Variants in ROCK2 observed in about 807,000 individuals in gnomAD.
ROCK2 encodes the protein rho-associated protein kinase 2.
ROCK2 carries 61 observed loss-of-function variants against 195.1 expected under a neutral mutation model. That is an observed-to-expected ratio of 0.31 (90% CI 0.25 to 0.39). The LOEUF (loss-of-function observed/expected upper bound fraction) is 0.39. Ranked by LOEUF, ROCK2 falls within the 10% of genes least tolerant of loss-of-function variation. ROCK2 has a pLI of 1.00. For missense variants in ROCK2, 1,109 were observed against 1,637.4 expected, an observed-to-expected ratio of 0.68 and a Z score of 5.57; for synonymous variants, 504 against 545.5, an observed-to-expected ratio of 0.92 and a Z score of 1.06.
chr2:11,238,245 T>TGTGTGTGTGTGTGTGTGTGTC (rs11377542), intron 4 of ROCK2, among the ~76,000 whole-genome samples: 39 of 38,442 alleles, frequency 1.0e-3, no homozygotes, highest in African/African-American at 2.8e-3. Context: ...TGTGTGTCTG[T>TGTGTGTGTGTGTGTGTGTGTC]TGTGTGTGTC....
rs759638796 is a variant in ROCK2 at position 11,218,408 on chromosome 2, G to A, written c.1332+47C>T. The stretch of plus-strand genomic sequence containing the variant: ...GACTATATTTAAACTTTGCGAGAGT[G>A]ATGAGCTTTTCTCAGTTTTTCAATA... On this transcript the variant is annotated intron_variant, in intron 11 of 32. Coordinates refer to ENST00000315872, the MANE Select transcript of ROCK2 (RefSeq NM_004850.5). The A allele has an allele frequency of 8.0e-6, 12 of 1,503,332 alleles. No homozygotes were observed. The East Asian group carries it at 2.3e-4, about 29-fold the overall frequency. The allele number at this position is 1,503,332 out of a possible 1,614,324, so 93.1% of individuals were successfully genotyped here.
At chr2:11,262,327 TTTATTC>T (rs1158375685) in intron 3 of ROCK2, among the ~76,000 whole-genome samples, 5 of 152,182 alleles carry the variant, frequency 3.3e-5, no homozygotes, top group African/African-American at 1.2e-4. Context: ...TTTGGTAATT[TTTATTC>T]TTATTTTTAT....
At position 11,344,477 on chromosome 2, in the gene ROCK2, G is replaced by A; in HGVS notation, c.-341C>T. The A allele has an allele frequency of 1.0e-6, 1 of 999,524 alleles. No homozygotes were observed. Among genetic ancestry groups the A allele is most frequent in the South Asian group, 4.7e-5 (1 of 21,448 alleles). The allele number at this position is 999,524 out of a possible 1,614,324, so 61.9% of individuals were successfully genotyped here. A position where few individuals can be genotyped will look rare whatever the true frequency, so the allele number is the denominator to read the frequency against. ...GGAGCAGGGAAGTGGCGCCGCCACC[G>A]CCGCGGCCCGGACCGCCCCGCCCTC... On this transcript the variant is annotated 5_prime_UTR_variant, in exon 1 of 33. Transcript: ENST00000315872. This position sits in a 1 kb window ranked among gnomAD's most constrained non-coding sequence, Gnocchi z 5.4.
At chr2:11,256,125 A>G (rs1331062860) in intron 3 of ROCK2, among the ~76,000 whole-genome samples, 1 of 151,110 alleles carries the variant, frequency 6.6e-6, no homozygotes, top group Non-Finnish European at 1.5e-5. Context: ...CATAAATTAT[A>G]AAAACTGATT....
At chr2:11,343,517 C>T (rs539927353) in intron 1 of ROCK2, among the ~76,000 whole-genome samples, 74 of 152,288 alleles carry the variant, frequency 4.9e-4, no homozygotes, top group African/African-American at 1.6e-3. Context: ...GCTGTGTGTT[C>T]CAAGATTTCA....
intron 1 of ROCK2, among the ~76,000 whole-genome samples, chr2:11,330,747 GGGA>G (rs1255635234): frequency 1.5e-4 from 9 of 61,806 alleles, no homozygotes; most frequent in South Asian, 6.7e-4. Context: ...GGAGGGAGGA[GGGA>G]GGAGGAGGAG....
Position 11,201,205 on chromosome 2 carries a change from T to C in ROCK2, c.2724-62A>G. 1 of 1,542,024 alleles carries C rather than the reference T, an allele frequency of 6.5e-7. No homozygotes were observed. The highest frequency in any genetic ancestry group is 8.8e-7 in the Non-Finnish European group (1 of 1,134,076). On this transcript the variant is annotated intron_variant, in intron 22 of 32. Transcript: ENST00000315872. The surrounding 1 kb of genome is among the most constrained non-coding windows in gnomAD (Gnocchi z 4.6). ...TTTCACTATGAAGTGAAAGTTTTTG[T>C]CTAATTCACTTCATCAATAATTTTT...
At chr2:11,323,123 T>C (rs1353699423) in intron 1 of ROCK2, among the ~76,000 whole-genome samples, 1 of 152,242 alleles carries the variant, frequency 6.6e-6, no homozygotes, top group Non-Finnish European at 1.5e-5. Context: ...ATATTATTAA[T>C]TACTTTTCTA....
chr2:11,224,945 T>C (rs1664762754), intron 6 of ROCK2, among the ~76,000 whole-genome samples: 1 of 152,182 alleles, frequency 6.6e-6, no homozygotes, highest in African/African-American at 2.4e-5. Flanking sequence ...ATTCCCTAGT[T>C]ATACTAGCCA....
rs369373069 is a variant in ROCK2, at chr2:11,202,129, G to A, written c.2550-8C>T. Reference sequence around the variant, plus strand: ...TCTGCATCCTGACGTTCTCTGTGAGGACAATGAATCAAAGGTTTAAATAAC... The same window carrying A: ...TCTGCATCCTGACGTTCTCTGTGAGAACAATGAATCAAAGGTTTAAATAAC... On this transcript the variant is annotated splice_polypyrimidine_tract_variant and splice_region_variant and intron_variant, in intron 20 of 32. Coordinates refer to ENST00000315872, the MANE Select transcript of ROCK2 (RefSeq NM_004850.5). The A allele has an allele frequency of 1.2e-6, 2 of 1,608,818 alleles. No individual in the cohort carries two copies. The highest frequency in any genetic ancestry group is 2.7e-5 in the African/African-American group (2 of 74,798).
chr2:11,329,331 G>T (rs1022437431), intron 1 of ROCK2, among the ~76,000 whole-genome samples: 1 of 151,858 alleles, frequency 6.6e-6, no homozygotes, highest in Non-Finnish European at 1.5e-5. Context: ...CAGATCTGTT[G>T]TAACTAGAGT....
chr2:11,240,459 G>A (rs1054464932), intron 4 of ROCK2, among the ~76,000 whole-genome samples: 6 of 152,200 alleles, frequency 3.9e-5, no homozygotes, highest in Non-Finnish European at 7.3e-5. Context: ...TATAACAAAC[G>A]TTACAATGTG....
Position 11,344,115 on chromosome 2 carries a change from C to A in ROCK2, c.22G>T (p.Gly8Trp). Reference sequence around the variant, plus strand: ...GTCTCGGGGGCGCCGGGCATTTTCCCCGTCGGCGGGGGCCGGCTCATGCCG... The same window carrying A: ...GTCTCGGGGGCGCCGGGCATTTTCCACGTCGGCGGGGGCCGGCTCATGCCG... MSRPPPT[G>W]KMPGAPETAP... is the part of the protein sequence containing the mutation. Residue 8 changes from glycine to tryptophan, a missense_variant, in exon 1 of 33, where the codon GGG becomes TGG. This residue lies in a region of ROCK2 where 64 missense variants were observed against 62.4 expected (regional missense o/e 1.03). Transcript: ENST00000315872. This position sits in a 1 kb window ranked among gnomAD's most constrained non-coding sequence, Gnocchi z 5.4. 1 of 1,492,426 alleles carries A rather than the reference C, an allele frequency of 6.7e-7. No individual in the cohort carries two copies. 92.4% of individuals were successfully genotyped at this position (1,492,426 alleles called of 1,614,324 possible). A position where few individuals can be genotyped will look rare whatever the true frequency, so the allele number is the denominator to read the frequency against.
intron 5 of ROCK2, among the ~76,000 whole-genome samples, chr2:11,230,254 G>A (rs1664956484): frequency 6.6e-6 from 1 of 151,978 alleles, no homozygotes; most frequent in Admixed American, 6.6e-5. Context: ...GTGAGACAGA[G>A]AAAATATAAG....
chr2:11,232,619 T>C lies in ROCK2; in HGVS notation c.723+3083A>G, dbSNP rs116650697. ...AAACATTGTATAATTATCCTTAGTA[T>C]TGCTTGAGGAATGGAGATCTGGGGT... On this transcript the variant is annotated intron_variant, in intron 5 of 32. Transcript: ENST00000315872. Among the ~76,000 whole-genome samples the C allele has an allele frequency of 3.3e-3, 499 of 152,310 alleles. 2 individuals carry two copies. The highest frequency in any genetic ancestry group is 0.011 in the African/African-American group (445 of 41,578).
intron 32 of ROCK2, chr2:11,184,690 A>C: frequency 5.1e-6 from 5 of 984,350 alleles, no homozygotes; most frequent in Non-Finnish European, 6.0e-6. Flanking sequence ...CAGAAATCAA[A>C]AACATCGTCA....
rs1222515906 is a variant in ROCK2 at position 11,201,379 on chromosome 2, T to G, written c.2654A>C (p.Glu885Ala). 1.2e-6 allele frequency: 2 copies of G among 1,611,430 alleles called. No homozygotes were observed. Among genetic ancestry groups the G allele is most frequent in the Non-Finnish European group, 1.7e-6 (2 of 1,177,976 alleles). Reference sequence around the variant, plus strand: ...AAGTTTGGTCTTTTCTTCACATTCTTCTTTAAGCTCCCTAACTTGTGTTTT... The same window carrying G: ...AAGTTTGGTCTTTTCTTCACATTCTGCTTTAAGCTCCCTAACTTGTGTTTT... Reference protein sequence around the residue: ...LYKTQVRELKEECEEKTKLGK... With the variant: ...LYKTQVRELKAECEEKTKLGK... Residue 885 changes from glutamate (E) to alanine (A), a missense_variant, in exon 22 of 33, where the codon GAA (glutamate) becomes GCA (alanine). Glu to Ala is a moderately radical substitution (Grantham distance 107). Coordinates refer to ENST00000315872, the MANE Select transcript of ROCK2 (RefSeq NM_004850.5). The surrounding 1 kb of genome is among the most constrained non-coding windows in gnomAD (Gnocchi z 4.6).
At chr2:11,265,564 A>G (rs1666383692) in intron 3 of ROCK2, among the ~76,000 whole-genome samples, 1 of 152,204 alleles carries the variant, frequency 6.6e-6, no homozygotes, top group Non-Finnish European at 1.5e-5. Flanking sequence ...GTAAATCACC[A>G]AGCAGTGAAA....
chr2:11,342,635 CAG>C (rs1365083579), intron 1 of ROCK2, among the ~76,000 whole-genome samples: 2 of 152,100 alleles, frequency 1.3e-5, no homozygotes, highest in Non-Finnish European at 1.5e-5. Flanking sequence ...GAGTGCAGCC[CAG>C]AGTCTCCGCT....
Sources: allele counts gnomAD v4.1 joint callset (sites outside exome capture counted in the v4.1 genomes callset), GRCh38; gene constraint gnomAD v4.1.1; regional missense constraint gnomAD v4.1.1; non-coding constraint Gnocchi (gnomAD v3.1); transcripts MANE v1.5; gene names NCBI Gene and HGNC (gene_info 2026-07-23, HGNC 2026-07-21).